CDC7: variants seen among roughly 807,000 people sequenced by gnomAD.
The protein encoded by CDC7 is cell division cycle 7-related protein kinase.
CDC7 carries 34 observed loss-of-function variants against 53.5 expected under a neutral mutation model. That is an observed-to-expected ratio of 0.64 (90% confidence interval 0.48 to 0.85). The LOEUF is 0.85. Ranked by LOEUF, CDC7 falls within the 40% of genes least tolerant of loss-of-function variation. The pLI is 0.00. For synonymous variants in CDC7, 211 were observed against 222.8 expected, an observed-to-expected ratio of 0.95 and a Z score of 0.47; for missense variants, 594 against 679.7, an observed-to-expected ratio of 0.87 and a Z score of 1.40.
At chr1:91,521,003 A>G (rs2102402268) in intron 11 of CDC7, among the ~76,000 whole-genome samples, 1 of 152,210 alleles carries the variant, frequency 6.6e-6, no homozygotes, top group East Asian at 1.9e-4. Flanking sequence ...TTTAATGTTT[A>G]TTTTCCACGC....
rs190174557 is a variant in CDC7, at chr1:91,522,123, C to T, written c.1330+1844C>T. On this transcript the variant is annotated intron_variant, in intron 11 of 11. Transcript: ENST00000234626. ...GAGGTTGCAGTGAGCCAAGATTGCA[C>T]CACTGCACTCCAGCCTGACGACAGA... Among the ~76,000 whole-genome samples the T allele has an allele frequency of 1.6e-3, 243 of 152,192 alleles. 1 individual carries two copies. The highest frequency in any genetic ancestry group is 5.5e-3 in the African/African-American group (229 of 41,516).
chr1:91,522,662 A>G (rs1668023836), intron 11 of CDC7, among the ~76,000 whole-genome samples: 1 of 152,234 alleles, frequency 6.6e-6, no homozygotes, highest in African/African-American at 2.4e-5. Context: ...ATAAAGGAAT[A>G]AAACTATATG....
rs1327898158 is a variant in CDC7, at chr1:91,524,438, A to T, written c.*3A>T. ...TTTTTAAAGATATGAGCTTGTGATA[A>T]TGGATCTTCATTTAATGTTTACTGT... On this transcript the variant is annotated 3_prime_UTR_variant, in exon 12 of 12. Transcript: ENST00000234626. 6.3e-7 allele frequency: 1 copy of T among 1,589,706 alleles called. No individual in the cohort carries two copies. Among genetic ancestry groups the T allele is most frequent in the Admixed American group, 1.7e-5 (1 of 57,616 alleles).
intron 10 of CDC7, among the ~76,000 whole-genome samples, chr1:91,516,324 GTTA>G (rs1310525302): frequency 6.6e-6 from 1 of 151,900 alleles, no homozygotes; most frequent in Non-Finnish European, 1.5e-5. Flanking sequence ...AATTACTTTT[GTTA>G]TTATATAAAC....
chr1:91,522,366 T>C (rs909396263), intron 11 of CDC7, among the ~76,000 whole-genome samples: 5 of 152,174 alleles, frequency 3.3e-5, no homozygotes, highest in African/African-American at 1.2e-4. Flanking sequence ...CCTTTACTTC[T>C]CTTATCTGTC....
chr1:91,511,593 C>A lies in CDC7; in HGVS notation c.336-4C>A, dbSNP rs369955837. 13 of 1,573,354 alleles carry A rather than the reference C, an allele frequency of 8.3e-6. No individual in the cohort carries two copies. Among genetic ancestry groups the A allele is most frequent in the Non-Finnish European group, 1.0e-5 (12 of 1,150,734 alleles). ...TAAAAGTTCCTTGTGCATTTTTCCA[C>A]TAGGGGGCAAGATAATGTCATGGGA... On this transcript the variant is annotated splice_region_variant and splice_polypyrimidine_tract_variant and intron_variant, in intron 4 of 11. Transcript: ENST00000234626.
chr1:91,505,237 A>G (rs893725319), intron 2 of CDC7, among the ~76,000 whole-genome samples: 1 of 152,198 alleles, frequency 6.6e-6, no homozygotes, highest in Admixed American at 6.5e-5. Flanking sequence ...ATTCAAGAAT[A>G]GCAAGGAGGT....
At chr1:91,510,908 C>G (rs1207119787) in intron 4 of CDC7, among the ~76,000 whole-genome samples, 2 of 152,170 alleles carry the variant, frequency 1.3e-5, no homozygotes, top group African/African-American at 2.4e-5. Context: ...ATTTGGCTCT[C>G]TAACTTGGCT....
chr1:91,507,968 A>G (rs1428740677), intron 3 of CDC7, 31 bp downstream of exon 3: 4 of 1,526,250 alleles, frequency 2.6e-6, no homozygotes. Context: ...TACTATTTTT[A>G]CGAGGTCTTT....
chr1:91,514,904 G>C lies in CDC7; in HGVS notation c.1004G>C (p.Ser335Thr), dbSNP rs141732646. The C allele has an allele frequency of 7.4e-6, 12 of 1,613,668 alleles. No homozygotes were observed. Among genetic ancestry groups the C allele is most frequent in the Non-Finnish European group, 1.0e-5 (12 of 1,179,630 alleles). Residue 335 changes from serine (S) to threonine (T), a missense_variant, in exon 9 of 12, where the codon AGT becomes ACT. Coordinates refer to ENST00000234626, the MANE Select transcript of CDC7 (RefSeq NM_003503.4). ...GCTATTTCTACAAAAGTTATGAATA[G>C]TGCTGTGATGAGGAAAACTGCCAGT... is the stretch of plus-strand genomic sequence containing the variant. Reference protein sequence around the residue: ...KKAISTKVMNSAVMRKTASSC... With the variant: ...KKAISTKVMNTAVMRKTASSC...
intron 2 of CDC7, among the ~76,000 whole-genome samples, chr1:91,504,597 A>G (rs1377436483): frequency 1.3e-5 from 2 of 152,158 alleles, no homozygotes; most frequent in Non-Finnish European, 2.9e-5. Flanking sequence ...TGCTTCTAAA[A>G]TGGGCTATGG....
chr1:91,505,584 A>C (rs1255399202), intron 2 of CDC7, among the ~76,000 whole-genome samples: 1 of 152,226 alleles, frequency 6.6e-6, no homozygotes, highest in Non-Finnish European at 1.5e-5. Flanking sequence ...AGAGGCATTT[A>C]AATAATTTTT....
chr1:91,519,008 C>G (rs544436643), intron 10 of CDC7, among the ~76,000 whole-genome samples: 1 of 149,752 alleles, frequency 6.7e-6, no homozygotes, highest in Non-Finnish European at 1.5e-5. Flanking sequence ...TTGCAGTGAG[C>G]CGAGATCACA....
chr1:91,512,314 T>C (rs1667328398), intron 6 of CDC7, among the ~76,000 whole-genome samples: 1 of 152,122 alleles, frequency 6.6e-6, no homozygotes, highest in Non-Finnish European at 1.5e-5. Flanking sequence ...AATTTGGTGA[T>C]GAAGAAGATA....
At chr1:91,519,320 TC>T (rs1176760628) in intron 10 of CDC7, among the ~76,000 whole-genome samples, 1 of 141,594 alleles carries the variant, frequency 7.1e-6, no homozygotes, top group Non-Finnish European at 1.5e-5. Flanking sequence ...TCCCAGCTAC[TC>T]AAGAGGCTGA....
chr1:91,522,287 CAACA>C (rs1667993120), intron 11 of CDC7, among the ~76,000 whole-genome samples: 1 of 152,150 alleles, frequency 6.6e-6, no homozygotes, highest in African/African-American at 2.4e-5. Context: ...CTCAAAATTT[CAACA>C]AACACAACTG....
intron 10 of CDC7, among the ~76,000 whole-genome samples, chr1:91,517,127 C>T (rs776106469): frequency 2.2e-4 from 33 of 152,018 alleles, no homozygotes; most frequent in Non-Finnish European, 4.3e-4. Flanking sequence ...AGAGATAAAC[C>T]TGGAATGAGG....
intron 2 of CDC7, among the ~76,000 whole-genome samples, chr1:91,505,006 G>A (rs1340919331): frequency 6.6e-6 from 1 of 152,184 alleles, no homozygotes; most frequent in Non-Finnish European, 1.5e-5. Flanking sequence ...CTAAGAAAAT[G>A]TAAAAGGGAA....
intron 10 of CDC7, among the ~76,000 whole-genome samples, chr1:91,517,579 G>A (rs1337056582): frequency 6.6e-6 from 1 of 152,174 alleles, no homozygotes; most frequent in Admixed American, 6.5e-5. Context: ...TCCAAATAGA[G>A]ATTTCCAGCA....
Sources: gnomAD v4.1 joint callset for allele counts (sites outside exome capture counted in the v4.1 genomes callset) on GRCh38, gnomAD v4.1.1 for gene constraint, MANE v1.5 for transcripts, NCBI Gene and HGNC (gene_info 2026-07-23, HGNC 2026-07-21) for gene names.